PAPPA: variants seen among roughly 807,000 people sequenced by gnomAD.
PAPPA encodes the protein pappalysin-1.
A neutral mutation model predicts 164.0 loss-of-function variants in PAPPA; 60 were observed. The observed-to-expected ratio is 0.37, with a 90% CI of 0.30 to 0.45. The LOEUF (loss-of-function observed/expected upper bound fraction) is 0.45. Among genes scored for constraint, PAPPA ranks in the 20% least tolerant of loss-of-function variants. The pLI, the probability that PAPPA is intolerant of heterozygous loss-of-function variation, is 1.00. For missense variants in PAPPA, 1,782 were observed against 2,087.3 expected (o/e 0.85, Z 2.85); for synonymous variants, 875 against 814.1 (o/e 1.07, Z -1.27).
intron 6 of PAPPA, among the ~76,000 whole-genome samples, chr9:116,233,138 A>T (rs1019796120): frequency 6.6e-6 from 1 of 152,246 alleles, no homozygotes; most frequent in Non-Finnish European, 1.5e-5. Flanking sequence ...ACAAATATTT[A>T]TTTAGCATCT....
At chr9:116,317,279 G>A (rs905935853) in intron 10 of PAPPA, among the ~76,000 whole-genome samples, 2 of 152,106 alleles carry the variant, frequency 1.3e-5, no homozygotes, top group Admixed American at 6.5e-5. Flanking sequence ...CATAACCAAG[G>A]GTTTCGGTGA....
intron 7 of PAPPA, among the ~76,000 whole-genome samples, chr9:116,244,758 A>ATGTAGTTC (rs987620433): frequency 2.6e-5 from 4 of 152,140 alleles, no homozygotes; most frequent in African/African-American, 9.7e-5. Flanking sequence ...GAGCATGGAG[A>ATGTAGTTC]TTTTTCAAAG....
Position 116,154,651 on chromosome 9 carries a change from T to G in PAPPA, c.415+64T>G. Reference sequence around the variant, plus strand: ...GCGGCCCCAGAGGCTCGCGGGTGTCTGGGCGCGGGTGGCGGGCGGGTCGGG... The same window carrying G: ...GCGGCCCCAGAGGCTCGCGGGTGTCGGGGCGCGGGTGGCGGGCGGGTCGGG... On this transcript the variant is annotated intron_variant, in intron 1 of 21. Transcript: ENST00000328252. The surrounding 1 kb of genome is among the most constrained non-coding windows in gnomAD (Gnocchi z 5.2). 7.9e-7 allele frequency: 1 copy of G among 1,259,680 alleles called. No individual in the cohort carries two copies. The allele number at this position is 1,259,680 out of a possible 1,614,324, so 78.0% of individuals were successfully genotyped here. A position where few individuals can be genotyped will look rare whatever the true frequency, so the allele number is the denominator to read the frequency against.
intron 7 of PAPPA, among the ~76,000 whole-genome samples, chr9:116,258,511 C>G (rs1844959561): frequency 6.6e-6 from 1 of 151,884 alleles, no homozygotes; most frequent in African/African-American, 2.4e-5. Flanking sequence ...ACAAAATTAG[C>G]CAGGCGTGGT....
intron 2 of PAPPA, among the ~76,000 whole-genome samples, chr9:116,198,506 A>G (rs554467533): frequency 6.6e-6 from 1 of 152,344 alleles, no homozygotes; most frequent in African/African-American, 2.4e-5. Context: ...TGCACAAGAC[A>G]TCTGTAATTC....
intron 13 of PAPPA, among the ~76,000 whole-genome samples, chr9:116,339,536 A>G (rs575737872): frequency 3.3e-5 from 5 of 152,318 alleles, no homozygotes; most frequent in Non-Finnish European, 5.9e-5. Context: ...AGGTCCTAGC[A>G]TAGTAGCTCT....
chr9:116,191,090 T>C (rs1027587254), intron 2 of PAPPA, among the ~76,000 whole-genome samples: 3 of 152,138 alleles, frequency 2.0e-5, no homozygotes, highest in Admixed American at 1.3e-4. Flanking sequence ...CATGATTACA[T>C]GGTCATGACA....
At chr9:116,284,865 A>G (rs558333636) in intron 9 of PAPPA, among the ~76,000 whole-genome samples, 2 of 152,102 alleles carry the variant, frequency 1.3e-5, no homozygotes, top group South Asian at 4.1e-4. Flanking sequence ...CATGATCATT[A>G]CTCTACCTGA....
chr9:116,230,883 A>G lies in PAPPA; in HGVS notation c.2233+3331A>G, dbSNP rs568849492. On this transcript the variant is annotated intron_variant, in intron 6 of 21. Transcript: ENST00000328252. ...AATCCCAGTTAAGATCACTTATGCA[A>G]GTATAAAATAGATCCCAAGTGTTGG... Among the ~76,000 whole-genome samples, 15 of 152,314 alleles carry G rather than the reference A, an allele frequency of 9.8e-5. No individual in the cohort carries two copies. The South Asian group carries it at 1.7e-3, about 17-fold the overall frequency.
At chr9:116,256,173 G>T (rs900971006) in intron 7 of PAPPA, among the ~76,000 whole-genome samples, 1 of 151,750 alleles carries the variant, frequency 6.6e-6, no homozygotes, top group Admixed American at 6.6e-5. Context: ...AGTAAACAAG[G>T]CATCAAAATA....
intron 10 of PAPPA, among the ~76,000 whole-genome samples, chr9:116,307,597 C>T (rs1845663092): frequency 1.3e-5 from 2 of 151,990 alleles, no homozygotes; most frequent in East Asian, 3.9e-4. Context: ...GAAAATCCAT[C>T]TCAAGAAAAA....
intron 18 of PAPPA, 87 bp from the exon 19 acceptor site, chr9:116,367,558 A>T: frequency 1.1e-6 from 1 of 933,308 alleles, no homozygotes; most frequent in Non-Finnish European, 1.7e-6. Flanking sequence ...GGGACCAGGG[A>T]GTGGGAGGGC....
Position 116,320,267 on chromosome 9 carries a change from G to A in PAPPA, c.3148-10977G>A, listed in dbSNP as rs193268925. On this transcript the variant is annotated intron_variant, in intron 10 of 21. Transcript: ENST00000328252. ...CAGACTTGTGGGGAGGTGCCAGCCT[G>A]AAGGGTATGAGACCCCTAAGGAGTG... 2.4e-4 allele frequency among the ~76,000 whole-genome samples: 37 copies of A among 152,328 alleles called. No homozygotes were observed. In the East Asian group the frequency reaches 6.8e-3, roughly 28 times the overall value.
chr9:116,206,024 G>A (rs1050105229), intron 2 of PAPPA, among the ~76,000 whole-genome samples: 1 of 152,178 alleles, frequency 6.6e-6, no homozygotes, highest in Non-Finnish European at 1.5e-5. Flanking sequence ...CTTAATAAAT[G>A]TTGGCTGTCT....
chr9:116,350,645 T>G (rs1380420443), intron 15 of PAPPA, among the ~76,000 whole-genome samples: 4 of 152,202 alleles, frequency 2.6e-5, no homozygotes, highest in Non-Finnish European at 4.4e-5. Context: ...CACAGATATG[T>G]TATCTCTCTT....
At chr9:116,158,864 TC>T (rs572485328) in intron 1 of PAPPA, among the ~76,000 whole-genome samples, 128 of 152,304 alleles carry the variant, frequency 8.4e-4, no homozygotes, top group African/African-American at 3.0e-3. Context: ...AATGACTTGG[TC>T]TAAAGTCCCA....
intron 9 of PAPPA, among the ~76,000 whole-genome samples, chr9:116,285,369 A>C (rs1845325130): frequency 6.6e-6 from 1 of 151,800 alleles, no homozygotes; most frequent in Admixed American, 6.6e-5. Flanking sequence ...GGGTCTCACC[A>C]TGTTGGCTAG....
chr9:116,357,257 G>A (rs4524874), intron 17 of PAPPA, among the ~76,000 whole-genome samples: 148,070 of 152,356 alleles, frequency 0.97, 72,072 homozygotes, highest in Non-Finnish European at 1. Flanking sequence ...TATTTAATTT[G>A]AAGTAATTCA....
At chr9:116,373,014 C>G (rs566088738) in intron 19 of PAPPA, among the ~76,000 whole-genome samples, 1 of 152,122 alleles carries the variant, frequency 6.6e-6, no homozygotes, top group African/African-American at 2.4e-5. Flanking sequence ...TAAAAATATG[C>G]AACACATGCA....
Sources: gnomAD v4.1 joint callset for allele counts (sites outside exome capture counted in the v4.1 genomes callset) on GRCh38, gnomAD v4.1.1 for gene constraint, Gnocchi (gnomAD v3.1) non-coding constraint, MANE v1.5 for transcripts, NCBI Gene and HGNC (gene_info 2026-07-23, HGNC 2026-07-21) for gene names.